CACNA2D3: variants seen among roughly 807,000 people sequenced by gnomAD.
The protein encoded by CACNA2D3 is voltage-dependent calcium channel subunit alpha-2/delta-3.
A neutral mutation model predicts 160.6 loss-of-function variants in CACNA2D3; 60 were observed. That is an observed-to-expected ratio of 0.37 (90% confidence interval 0.30 to 0.46). The LOEUF (loss-of-function observed/expected upper bound fraction) is 0.46, where lower values mean the gene tolerates loss of function less well. CACNA2D3 is among the 20% of genes least tolerant of loss of function. The probability of loss-of-function intolerance (pLI) is 1.00; values close to 1 mark genes in which losing one functional copy is unlikely to be tolerated. For synonymous variants in CACNA2D3, 558 were observed against 492.9 expected (o/e 1.13, Z -1.75); for missense variants, 1,205 against 1,365.0 (o/e 0.88, Z 1.85).
intron 13 of CACNA2D3, among the ~76,000 whole-genome samples, chr3:54,776,362 G>T (rs998292776): frequency 6.6e-6 from 1 of 151,942 alleles, no homozygotes; most frequent in African/African-American, 2.4e-5. Context: ...ATAAATTGAA[G>T]AAATCAGCCA....
At chr3:54,410,419 C>T (rs748491536) in intron 4 of CACNA2D3, among the ~76,000 whole-genome samples, 1 of 152,058 alleles carries the variant, frequency 6.6e-6, no homozygotes. Flanking sequence ...AAAGCTCGGG[C>T]TGACTCTCTT....
chr3:54,342,943 G>T (rs1698387839), intron 3 of CACNA2D3, among the ~76,000 whole-genome samples: 1 of 152,142 alleles, frequency 6.6e-6, no homozygotes, highest in South Asian at 2.1e-4. Flanking sequence ...GCCCGCCCTG[G>T]GTAGCCGCAC....
intron 2 of CACNA2D3, among the ~76,000 whole-genome samples, chr3:54,307,350 G>T (rs913540127): frequency 6.6e-6 from 1 of 152,144 alleles, no homozygotes; most frequent in Non-Finnish European, 1.5e-5. Flanking sequence ...ACTGTTTATG[G>T]TGATGCAAAT....
chr3:54,363,172 C>A (rs1170396925), intron 3 of CACNA2D3, among the ~76,000 whole-genome samples: 2 of 151,276 alleles, frequency 1.3e-5, no homozygotes, highest in African/African-American at 4.9e-5. Flanking sequence ...TCCAGCCTAG[C>A]GATAGAGCGA....
intron 4 of CACNA2D3, among the ~76,000 whole-genome samples, chr3:54,453,313 C>T (rs936241553): frequency 2.0e-5 from 3 of 152,096 alleles, no homozygotes; most frequent in East Asian, 1.9e-4. Flanking sequence ...ATAAGGACAG[C>T]GGTTATATTG....
chr3:54,212,475 G>A (rs1701393381), intron 2 of CACNA2D3, among the ~76,000 whole-genome samples: 1 of 152,200 alleles, frequency 6.6e-6, no homozygotes, highest in African/African-American at 2.4e-5. Flanking sequence ...ATGATAAGGG[G>A]TTGTGGAGAA....
chr3:54,379,929 G>T (rs1365136647), intron 3 of CACNA2D3, among the ~76,000 whole-genome samples: 3 of 152,008 alleles, frequency 2.0e-5, no homozygotes, highest in African/African-American at 7.2e-5. Context: ...GATCACTGGT[G>T]GTACCTCTCC....
chr3:54,697,971 A>G (rs916998163), intron 11 of CACNA2D3, among the ~76,000 whole-genome samples: 4 of 152,186 alleles, frequency 2.6e-5, no homozygotes, highest in Admixed American at 2.6e-4. Flanking sequence ...ATCATGCACA[A>G]TATGTTACGT....
At chr3:54,313,555 G>T (rs1050934987) in intron 2 of CACNA2D3, among the ~76,000 whole-genome samples, 1 of 151,440 alleles carries the variant, frequency 6.6e-6, no homozygotes. Context: ...CTAGCACACC[G>T]CCCTTGATGA....
intron 2 of CACNA2D3, among the ~76,000 whole-genome samples, chr3:54,213,210 G>T (rs1340975709): frequency 6.6e-6 from 1 of 152,168 alleles, no homozygotes; most frequent in Non-Finnish European, 1.5e-5. Flanking sequence ...AAATGCCCAG[G>T]TAATTTGCTT....
intron 35 of CACNA2D3, among the ~76,000 whole-genome samples, chr3:55,059,358 A>C (rs1014360441): frequency 6.6e-6 from 1 of 152,212 alleles, no homozygotes; most frequent in Non-Finnish European, 1.5e-5. Context: ...TTACATTACT[A>C]TTGCCCAAAC....
intron 27 of CACNA2D3, chr3:54,918,208 A>C (rs1324200480): frequency 2.4e-6 from 1 of 424,278 alleles, no homozygotes; most frequent in Non-Finnish European, 4.2e-6. Flanking sequence ...CCCACATAGA[A>C]TCGTCGTAAT....
Position 54,880,832 on chromosome 3 carries a change from T to C in CACNA2D3, c.1881T>C (p.Tyr627=). ...GVALSRGHGK[Y]FFRGNVTIEE... is the part of the protein sequence containing the mutation. ...CGCTTTCCAGAGGTCATGGGAAATA[T>C]TTCTTCCGAGGGAATGTAACCATCG... The change falls in exon 21 of 38, where the codon TAT becomes TAC. Residue 627 remains tyrosine (Y), a synonymous_variant. Transcript: ENST00000474759. 4.3e-6 allele frequency: 7 copies of C among 1,613,908 alleles called. No homozygotes were observed. The highest frequency in any genetic ancestry group is 5.9e-6 in the Non-Finnish European group (7 of 1,179,812).
At chr3:54,915,462 G>A (rs974672764) in intron 27 of CACNA2D3, among the ~76,000 whole-genome samples, 4 of 152,178 alleles carry the variant, frequency 2.6e-5, no homozygotes, top group Non-Finnish European at 5.9e-5. Flanking sequence ...TGTACCCTCA[G>A]CAAGGCTTCT....
At chr3:54,249,461 G>A (rs1353659518) in intron 2 of CACNA2D3, among the ~76,000 whole-genome samples, 1 of 151,854 alleles carries the variant, frequency 6.6e-6, no homozygotes, top group African/African-American at 2.4e-5. Context: ...CTGCACCAGT[G>A]GCTCTCCTGG....
At chr3:54,692,800 A>G (rs1700593407) in intron 11 of CACNA2D3, among the ~76,000 whole-genome samples, 1 of 152,214 alleles carries the variant, frequency 6.6e-6, no homozygotes. Context: ...CTTTTTGGAA[A>G]GAATGCTTGT....
At chr3:54,580,490 G>A (rs1379664225) in intron 8 of CACNA2D3, among the ~76,000 whole-genome samples, 6 of 152,050 alleles carry the variant, frequency 3.9e-5, no homozygotes, top group Non-Finnish European at 8.8e-5. Flanking sequence ...ACAAACTCCC[G>A]AGGCCCTCTT....
At chr3:55,051,918 AC>A (rs1704228405) in intron 35 of CACNA2D3, among the ~76,000 whole-genome samples, 1 of 151,432 alleles carries the variant, frequency 6.6e-6, no homozygotes, top group African/African-American at 2.4e-5. Context: ...GAACTCCCTG[AC>A]CCCTTGCGCT....
intron 4 of CACNA2D3, among the ~76,000 whole-genome samples, chr3:54,467,150 G>A (rs567906434): frequency 9.2e-5 from 14 of 152,230 alleles, no homozygotes; most frequent in South Asian, 6.2e-4. Context: ...ACATCATTGC[G>A]TCAGATGATT....
Sources: gnomAD v4.1 joint callset for allele counts (sites outside exome capture counted in the v4.1 genomes callset) on GRCh38, gnomAD v4.1.1 for gene constraint, MANE v1.5 for transcripts, NCBI Gene and HGNC (gene_info 2026-07-23, HGNC 2026-07-21) for gene names.